Variants in PAFAH2 observed in about 807,000 individuals in gnomAD.
PAFAH2 encodes the protein platelet-activating factor acetylhydrolase 2, cytoplasmic.
A neutral mutation model predicts 49.0 loss-of-function variants in PAFAH2; 42 were observed. The observed-to-expected ratio is 0.86, with a 90% CI of 0.67 to 1.11. PAFAH2 has a LOEUF of 1.11. Among genes scored for constraint, PAFAH2 ranks in the 50% least tolerant of loss-of-function variants. PAFAH2 has a pLI of 0.00. For synonymous variants in PAFAH2, 184 were observed against 181.3 expected (o/e 1.01, Z -0.12); for missense variants, 503 against 501.8 (o/e 1.00, Z -0.02).
intron 6 of PAFAH2, among the ~76,000 whole-genome samples, chr1:25,983,734 T>TCC (rs2049731848): frequency 6.6e-6 from 1 of 152,136 alleles, no homozygotes; most frequent in African/African-American, 2.4e-5. Flanking sequence ...AGCCCATCAT[T>TCC]CCCTTTTTTG....
At chr1:25,971,689 C>T in intron 10 of PAFAH2, among the ~76,000 whole-genome samples, 2 of 152,226 alleles carry the variant, frequency 1.3e-5, no homozygotes, top group Middle Eastern at 6.8e-3. Flanking sequence ...AAACAAACTC[C>T]CCTTTTTTTC....
chr1:25,988,735 G>A lies in PAFAH2; in HGVS notation c.245-408C>T, dbSNP rs546221323. On this transcript the variant is annotated intron_variant, in intron 3 of 10. Transcript: ENST00000374282. ...GGAGAATCACTTGCACCCTGGAGGCGAAGGTTGCAGTGAGCTGAGATTGTG... is the reference window on the plus strand; with the variant it reads ...GGAGAATCACTTGCACCCTGGAGGCAAAGGTTGCAGTGAGCTGAGATTGTG... Among the ~76,000 whole-genome samples the A allele has an allele frequency of 7.8e-4, 115 of 147,718 alleles. 1 individual carries two copies. Among genetic ancestry groups the A allele is most frequent in the Non-Finnish European group, 1.0e-3 (70 of 67,498 alleles).
intron 7 of PAFAH2, among the ~76,000 whole-genome samples, chr1:25,977,831 G>A (rs555861360): frequency 4.6e-5 from 7 of 152,188 alleles, no homozygotes; most frequent in Admixed American, 2.6e-4. Context: ...AGGGTGAAAC[G>A]GGGATGCTCC....
intron 1 of PAFAH2, among the ~76,000 whole-genome samples, chr1:25,997,085 ACTG>A (rs1440145199): frequency 4.6e-5 from 7 of 152,190 alleles, no homozygotes; most frequent in Non-Finnish European, 8.8e-5. Context: ...TGAGCAGAGG[ACTG>A]CTGCTCTGCC....
chr1:25,968,453 GA>G (rs753880209), intron 10 of PAFAH2, among the ~76,000 whole-genome samples: 21 of 152,112 alleles, frequency 1.4e-4, no homozygotes, highest in Non-Finnish European at 2.5e-4. Flanking sequence ...GGTTCGAGGA[GA>G]AAAAAGGTGT....
chr1:25,970,856 T>A (rs1327713980), intron 10 of PAFAH2, among the ~76,000 whole-genome samples: 1 of 152,002 alleles, frequency 6.6e-6, no homozygotes, highest in African/African-American at 2.4e-5. Flanking sequence ...CCAAAGTAGC[T>A]GGGATTACAG....
chr1:25,984,452 T>C lies in PAFAH2; in HGVS notation c.410+8A>G. ...CAGGCACCCAATCCATGGCGGCTCA[T>C]CCCTCACCTGTGCTCTGGCACAGCA... On this transcript the variant is annotated splice_region_variant and intron_variant, in intron 5 of 10. Transcript: ENST00000374282. 6.2e-7 allele frequency: 1 copy of C among 1,611,406 alleles called. No homozygotes were observed.
Position 25,988,082 on chromosome 1 carries a change from T to G in PAFAH2, c.341+149A>C, listed in dbSNP as rs952540506. The G allele has an allele frequency of 2.6e-5, 15 of 575,092 alleles. No homozygotes were observed. In the African/African-American group the frequency reaches 2.7e-4, roughly 10 times the overall value. 35.6% of individuals were successfully genotyped at this position (575,092 alleles called of 1,614,324 possible). On this transcript the variant is annotated intron_variant, in intron 4 of 10. Coordinates refer to ENST00000374282, the MANE Select transcript of PAFAH2 (RefSeq NM_000437.4). ...CTTGAAAAAGGCCTTCTGGGGAAGG[T>G]GAACCCAATGCTATGGGACGAAGCA... is the stretch of plus-strand genomic sequence containing the variant.
At chr1:25,963,064 C>T (rs76057129) in intron 10 of PAFAH2, among the ~76,000 whole-genome samples, 1,705 of 152,160 alleles carry the variant, frequency 0.011, 34 homozygotes, top group African/African-American at 0.039. Context: ...CACAAAGGGT[C>T]CAAGCCCTCA....
In PAFAH2 at chr1:25,961,866, T is replaced by G; in HGVS notation, c.*123A>C. On this transcript the variant is annotated 3_prime_UTR_variant, in exon 11 of 11. Coordinates refer to ENST00000374282, the MANE Select transcript of PAFAH2 (RefSeq NM_000437.4). ...CCAGTTATCCAAGCAGCAGTGTGAT[T>G]ACACCTTTCAATCTGTGAAAAGGGG... The G allele has an allele frequency of 1.5e-6, 1 of 657,006 alleles. No individual in the cohort carries two copies. Among genetic ancestry groups the G allele is most frequent in the South Asian group, 2.0e-5 (1 of 49,438 alleles). The allele number at this position is 657,006 out of a possible 1,614,324, so 40.7% of individuals were successfully genotyped here.
intron 1 of PAFAH2, among the ~76,000 whole-genome samples, chr1:25,993,073 T>G (rs1482827381): frequency 2.0e-5 from 3 of 152,088 alleles, no homozygotes; most frequent in Non-Finnish European, 4.4e-5. Flanking sequence ...AGAGGCCCAT[T>G]TGTGAAGACA....
chr1:25,981,467 G>A (rs906665603), intron 7 of PAFAH2, among the ~76,000 whole-genome samples: 9 of 152,052 alleles, frequency 5.9e-5, no homozygotes, highest in African/African-American at 2.2e-4. Context: ...GAGGGTTCTT[G>A]GGATTCCCTC....
chr1:25,984,320 C>T (rs1187049033), intron 5 of PAFAH2, 140 bp downstream of exon 5: 2 of 773,312 alleles, frequency 2.6e-6, no homozygotes, highest in Non-Finnish European at 4.2e-6. Flanking sequence ...CATCTTTAAA[C>T]CTTGGTTTTC....
intron 6 of PAFAH2, among the ~76,000 whole-genome samples, chr1:25,983,058 G>A (rs1244216556): frequency 2.0e-5 from 3 of 152,120 alleles, no homozygotes. Context: ...ATTCTCATAG[G>A]TGACAAGGCT....
chr1:25,983,794 G>A (rs1481639842), intron 6 of PAFAH2, 152 bp downstream of exon 6: 1 of 857,714 alleles, frequency 1.2e-6, no homozygotes, highest in Non-Finnish European at 1.8e-6. Context: ...CAAGAGTCCT[G>A]ATTAATATCC....
chr1:25,979,614 A>C (rs1400793787), intron 7 of PAFAH2, among the ~76,000 whole-genome samples: 1 of 152,024 alleles, frequency 6.6e-6, no homozygotes, highest in East Asian at 1.9e-4. Flanking sequence ...CAGCCTCCCA[A>C]GTAGCTGGGA....
At chr1:25,991,892 C>CA (rs2049881688) in intron 1 of PAFAH2, among the ~76,000 whole-genome samples, 1 of 151,864 alleles carries the variant, frequency 6.6e-6, no homozygotes, top group African/African-American at 2.4e-5. Flanking sequence ...GACCCTGTCT[C>CA]AAAAAACAAA....
rs141767277 is a variant in PAFAH2 at position 25,989,452 on chromosome 1, C to T, written c.240G>A (p.Ala80=). Residue 80 remains alanine (A), a synonymous_variant, in exon 3 of 11, where the codon GCG becomes GCA. Transcript: ENST00000374282. The stretch of plus-strand genomic sequence containing the variant: ...AGAGGTCAGGCCAGCCCTTACCCAC[C>T]GCCAGGTTGAACAGCAAGCCCCCGC... ...KRCGGLLFNL[A]VGSCRLPVSW... The T allele has an allele frequency of 3.4e-4, 544 of 1,595,438 alleles. 2 individuals carry two copies. Among genetic ancestry groups the T allele is most frequent in the Middle Eastern group, 6.8e-4 (4 of 5,856 alleles).
intron 4 of PAFAH2, among the ~76,000 whole-genome samples, chr1:25,986,534 A>AT (rs200556171): frequency 1.1e-4 from 16 of 150,856 alleles, no homozygotes; most frequent in East Asian, 3.9e-4. Context: ...GAGCTATTAA[A>AT]TTTTTTTTTT....
Sources: allele counts gnomAD v4.1 joint callset (sites outside exome capture counted in the v4.1 genomes callset), GRCh38; gene constraint gnomAD v4.1.1; transcripts MANE v1.5; gene names NCBI Gene and HGNC (gene_info 2026-07-23, HGNC 2026-07-21).